The following OXR1 variants were observed in gnomAD, a reference collection of about 807,000 sequenced individuals.
OXR1 encodes oxidation resistance 1.
OXR1 carries 41 observed loss-of-function variants against 104.6 expected under a neutral mutation model. The observed-to-expected ratio is 0.39, with a 90% CI of 0.31 to 0.51. The LOEUF (loss-of-function observed/expected upper bound fraction) is 0.51, where lower values mean the gene tolerates loss of function less well. Ranked by LOEUF, OXR1 falls within the 20% of genes least tolerant of loss-of-function variation. OXR1 has a pLI of 0.77. For synonymous variants in OXR1, 348 were observed against 348.4 expected, an observed-to-expected ratio of 1.00 and a Z score of 0.01; for missense variants, 955 against 1,031.9, an observed-to-expected ratio of 0.93 and a Z score of 1.02.
chr8:106,684,022 G>C lies in OXR1; in HGVS notation c.412-224G>C, dbSNP rs1233708261. On this transcript the variant is annotated intron_variant, in intron 5 of 16. Transcript: ENST00000517566. ...TAGGAGTGACACCTCTATAGTGTAT[G>C]ACAATTAATGTTTCCTCACCCTATT... 2.0e-5 allele frequency among the ~76,000 whole-genome samples: 3 copies of C among 152,086 alleles called. No individual in the cohort carries two copies. The South Asian group carries it at 6.2e-4, about 32-fold the overall frequency.
At chr8:106,463,864 G>T (rs955186794) in intron 2 of OXR1, among the ~76,000 whole-genome samples, 5 of 152,096 alleles carry the variant, frequency 3.3e-5, no homozygotes, top group Admixed American at 6.6e-5. Flanking sequence ...TCCTGATTTA[G>T]AAATAGGAAA....
At chr8:106,623,589 G>A (rs1313076916) in intron 3 of OXR1, among the ~76,000 whole-genome samples, 4 of 152,110 alleles carry the variant, frequency 2.6e-5, no homozygotes, top group Non-Finnish European at 5.9e-5. Flanking sequence ...CTGAAAGTGG[G>A]GCCTGGTAGA....
intron 3 of OXR1, among the ~76,000 whole-genome samples, chr8:106,631,775 AGG>A (rs1822707486): frequency 6.6e-6 from 1 of 152,190 alleles, no homozygotes; most frequent in African/African-American, 2.4e-5. Flanking sequence ...GATTCTAATA[AGG>A]TCATACAGAT....
At chr8:106,748,971 T>G (rs902959084) in intron 16 of OXR1, among the ~76,000 whole-genome samples, 6 of 152,182 alleles carry the variant, frequency 3.9e-5, no homozygotes, top group Non-Finnish European at 7.3e-5. Flanking sequence ...TAATATACAT[T>G]ATATATTTGA....
intron 3 of OXR1, among the ~76,000 whole-genome samples, chr8:106,632,686 A>T (rs1243614086): frequency 6.6e-6 from 1 of 152,170 alleles, no homozygotes; most frequent in Non-Finnish European, 1.5e-5. Flanking sequence ...ATTTTTACTT[A>T]TGCTTTACTT....
chr8:106,711,162 C>T (rs752016627), intron 10 of OXR1, among the ~76,000 whole-genome samples: 16 of 152,146 alleles, frequency 1.1e-4, no homozygotes, highest in Non-Finnish European at 2.4e-4. Flanking sequence ...CTTCTATATA[C>T]GTGACACTAA....
rs77875213 is a variant in OXR1 at position 106,722,263 on chromosome 8, A to G, written c.1956+8278A>G. ...AATTAATTTTGTCCAAAAGTGAAGG[A>G]ATTCTTTGTGTATAAAGTCACTACA... On this transcript the variant is annotated intron_variant, in intron 11 of 16. Coordinates refer to ENST00000517566, the MANE Select transcript of OXR1 (RefSeq NM_001198533.2). Among the ~76,000 whole-genome samples the G allele has an allele frequency of 3.2e-4, 48 of 152,304 alleles. No homozygotes were observed. In the East Asian group the frequency reaches 8.9e-3, roughly 28 times the overall value.
At chr8:106,667,249 A>G (rs1466848172) in intron 3 of OXR1, among the ~76,000 whole-genome samples, 1 of 152,184 alleles carries the variant, frequency 6.6e-6, no homozygotes, top group Non-Finnish European at 1.5e-5. Flanking sequence ...TTCTTACGGA[A>G]TTCTAATATG....
intron 2 of OXR1, among the ~76,000 whole-genome samples, chr8:106,482,315 G>C (rs1377404): frequency 0.11 from 16,337 of 151,566 alleles, 961 homozygotes; most frequent in African/African-American, 0.15. Flanking sequence ...AGAATTAAAA[G>C]CCCTCCCCAA....
intron 3 of OXR1, among the ~76,000 whole-genome samples, chr8:106,615,355 T>A (rs1164210243): frequency 2.0e-5 from 3 of 151,148 alleles, no homozygotes; most frequent in Admixed American, 6.6e-5. Flanking sequence ...TCACATGAAC[T>A]CAGGAGGTAG....
chr8:106,509,235 C>T (rs1183987746), intron 2 of OXR1, among the ~76,000 whole-genome samples: 1 of 152,176 alleles, frequency 6.6e-6, no homozygotes, highest in Non-Finnish European at 1.5e-5. Flanking sequence ...AAGCCCTAAT[C>T]TTTGGATTTA....
intron 10 of OXR1, 62 bp from the exon 11 acceptor site, chr8:106,713,761 A>G: frequency 2.1e-6 from 2 of 941,944 alleles, no homozygotes; most frequent in African/African-American, 1.7e-5. Context: ...TTTTACAAAT[A>G]TAATTTTTTA....
At chr8:106,547,488 CTTTCT>C (rs1404560219) in intron 3 of OXR1, among the ~76,000 whole-genome samples, 2 of 112,592 alleles carry the variant, frequency 1.8e-5, no homozygotes. Flanking sequence ...TCCTTTCTTT[CTTTCT>C]TTTTTTTTTT....
chr8:106,705,084 A>G (rs1163065493), intron 8 of OXR1, among the ~76,000 whole-genome samples: 1 of 152,206 alleles, frequency 6.6e-6, no homozygotes, highest in Non-Finnish European at 1.5e-5. Context: ...GCCTTTCAGC[A>G]TATTAAATCT....
At chr8:106,472,755 A>T (rs1393393426) in intron 2 of OXR1, among the ~76,000 whole-genome samples, 1 of 151,832 alleles carries the variant, frequency 6.6e-6, no homozygotes, top group South Asian at 2.1e-4. Flanking sequence ...CCATGTAAAT[A>T]TCAGTGTCCA....
intron 4 of OXR1, among the ~76,000 whole-genome samples, chr8:106,679,736 C>G (rs556434401): frequency 4.0e-5 from 6 of 151,664 alleles, no homozygotes; most frequent in African/African-American, 1.4e-4. Flanking sequence ...ATAGCTAACT[C>G]CCTTTAGCTC....
In OXR1 at chr8:106,503,334, C is replaced by A. The variant is rs115473674; in HGVS notation, c.24-15609C>A. 7.3e-3 allele frequency among the ~76,000 whole-genome samples: 1,116 copies of A among 152,152 alleles called. 16 individuals are homozygous for A. Among genetic ancestry groups the A allele is most frequent in the African/African-American group, 0.026 (1,071 of 41,506 alleles). ...ATTTCAGCTAAAACTGAGAAGGTAC[C>A]TTTTACTCCCTCATTTCAAAATGAG... On this transcript the variant is annotated intron_variant, in intron 2 of 16. Transcript: ENST00000517566.
chr8:106,726,128 T>C, intron 11 of OXR1: 2 of 1,413,306 alleles, frequency 1.4e-6, no homozygotes, highest in South Asian at 1.5e-5. Flanking sequence ...TCTAGCAAAC[T>C]GTTTTGTCAC....
At chr8:106,667,302 T>C (rs1393940702) in intron 3 of OXR1, among the ~76,000 whole-genome samples, 1 of 152,244 alleles carries the variant, frequency 6.6e-6, no homozygotes, top group Admixed American at 6.5e-5. Context: ...TGAAGGACTC[T>C]ACATCATTCT....
Sources: allele counts gnomAD v4.1 joint callset (sites outside exome capture counted in the v4.1 genomes callset), GRCh38; gene constraint gnomAD v4.1.1; transcripts MANE v1.5; gene names NCBI Gene and HGNC (gene_info 2026-07-23, HGNC 2026-07-21).